The following BLTP3B variants were observed in gnomAD, a reference collection of about 807,000 sequenced individuals.
BLTP3B encodes the protein UHRF1 (ICBP90) binding protein 1-like.
At chr12:100,108,334 A>G in the BLTP3B span, 1 of 1,559,226 alleles carries the variant, frequency 6.4e-7, no homozygotes, top group Non-Finnish European at 8.6e-7. Context: ...ATATAGAAGG[A>G]AAACATGAAA....
At chr12:100,049,861 C>T in the BLTP3B span, among the ~76,000 whole-genome samples, 4 of 152,114 alleles carry the variant, frequency 2.6e-5, no homozygotes, top group African/African-American at 9.6e-5. Flanking sequence ...CATTCTCATC[C>T]CATGGAGTAA....
the BLTP3B span, among the ~76,000 whole-genome samples, chr12:100,124,937 TATA>T: frequency 8.2e-4 from 3 of 3,660 alleles, no homozygotes; most frequent in African/African-American, 2.0e-3. Context: ...AAAAAAATTT[TATA>T]TATATATATA....
the BLTP3B span, among the ~76,000 whole-genome samples, chr12:100,053,218 A>G: frequency 6.6e-6 from 1 of 151,950 alleles, no homozygotes. Context: ...CAGCCTGGCC[A>G]ACATGGTAAA....
chr12:100,058,287 CTTGT>C, the BLTP3B span: 2 of 1,613,678 alleles, frequency 1.2e-6, no homozygotes, highest in South Asian at 1.1e-5. Flanking sequence ...CTTTTTGTCA[CTTGT>C]TTCTGATCCA....
At chr12:100,102,700 CTTTT>C in the BLTP3B span, 5,210 of 698,328 alleles carry the variant, frequency 7.5e-3, no homozygotes, top group East Asian at 0.014. Context: ...GAGGTTAAGG[CTTTT>C]TTTTTTTTTT....
the BLTP3B span, among the ~76,000 whole-genome samples, chr12:100,072,475 G>C: frequency 3.2e-3 from 490 of 152,262 alleles, 2 homozygotes; most frequent in African/African-American, 0.011. Context: ...GGGAGGCCAA[G>C]GCAGGAGTAT....
At chr12:100,118,217 T>C in the BLTP3B span, among the ~76,000 whole-genome samples, 1 of 152,022 alleles carries the variant, frequency 6.6e-6, no homozygotes, top group African/African-American at 2.4e-5. Flanking sequence ...GCACGGTGGC[T>C]TATGCCTCTC....
chr12:100,113,989 G>A, the BLTP3B span, among the ~76,000 whole-genome samples: 1 of 152,094 alleles, frequency 6.6e-6, no homozygotes, highest in African/African-American at 2.4e-5. Flanking sequence ...TTCAAAGGGG[G>A]TTTTTGGACA....
the BLTP3B span, among the ~76,000 whole-genome samples, chr12:100,127,677 G>A: frequency 1.3e-5 from 2 of 152,108 alleles, no homozygotes; most frequent in Non-Finnish European, 2.9e-5. Flanking sequence ...AAAAAGACAG[G>A]AGAGGGTAGA....
the BLTP3B span, among the ~76,000 whole-genome samples, chr12:100,125,225 A>G: frequency 1.3e-5 from 2 of 148,706 alleles, no homozygotes; most frequent in Non-Finnish European, 3.0e-5. Context: ...CCAGCTACTC[A>G]GGGAGGCTGA....
the BLTP3B span, among the ~76,000 whole-genome samples, chr12:100,089,904 A>C: frequency 2.6e-5 from 4 of 152,088 alleles, no homozygotes; most frequent in African/African-American, 9.7e-5. Context: ...CTTCCCCCAT[A>C]CTGTTCTGGT....
the BLTP3B span, chr12:100,047,876 T>C: frequency 1.4e-3 from 1,874 of 1,306,706 alleles, 25 homozygotes; most frequent in African/African-American, 0.025. Context: ...AGGCACATTC[T>C]TAGACATGAA....
At chr12:100,077,621 C>G in the BLTP3B span, among the ~76,000 whole-genome samples, 1 of 152,180 alleles carries the variant, frequency 6.6e-6, no homozygotes, top group Non-Finnish European at 1.5e-5. Context: ...TGCCAAATGT[C>G]CCCTGGGGGG....
chr12:100,140,753 T>TATATATATATATATATATATAA, the BLTP3B span, among the ~76,000 whole-genome samples: 1 of 106,964 alleles, frequency 9.3e-6, no homozygotes, highest in South Asian at 3.0e-4. Context: ...TATATATATA[T>TATATATATATATATATATATAA]AAAATAAAAT....
the BLTP3B span, among the ~76,000 whole-genome samples, chr12:100,134,145 T>C: frequency 2.0e-5 from 3 of 151,978 alleles, no homozygotes; most frequent in East Asian, 5.8e-4. Context: ...AAAACAACAA[T>C]AGCAAAAAAT....
chr12:100,095,552 T>A, the BLTP3B span: 1 of 1,140,834 alleles, frequency 8.8e-7, no homozygotes. Flanking sequence ...TAAAGAAGAT[T>A]CTTGTACTCA....
At chr12:100,066,123 T>G in the BLTP3B span, among the ~76,000 whole-genome samples, 4 of 152,120 alleles carry the variant, frequency 2.6e-5, no homozygotes, top group Non-Finnish European at 2.9e-5. Flanking sequence ...ATCTGCTGCC[T>G]TCAAGAGACT....
the BLTP3B span, among the ~76,000 whole-genome samples, chr12:100,124,541 G>GA: frequency 1.9e-4 from 29 of 151,102 alleles, no homozygotes; most frequent in Middle Eastern, 3.5e-3. Context: ...TCAGGAGTTC[G>GA]AGACCAGCCT....
the BLTP3B span, chr12:100,098,261 T>G: frequency 7.2e-7 from 1 of 1,383,598 alleles, no homozygotes; most frequent in South Asian, 1.5e-5. Flanking sequence ...AAAGCAAAGT[T>G]AAAAGGCAAC....
Sources: allele counts gnomAD v4.1 joint callset (sites outside exome capture counted in the v4.1 genomes callset), GRCh38; gene constraint gnomAD v4.1.1; transcripts MANE v1.5; gene names NCBI Gene and HGNC (gene_info 2026-07-23, HGNC 2026-07-21).